Variants in PTH2R observed in about 807,000 individuals in gnomAD.
PTH2R encodes PTH2 receptor.
Under a neutral mutation model 60.3 loss-of-function variants are expected in PTH2R, and 59 were observed. The observed-to-expected ratio is 0.98, with a 90% CI of 0.79 to 1.22. PTH2R has a LOEUF of 1.22. Ranked by LOEUF, PTH2R falls within the 50% of genes most tolerant of loss-of-function variation. The pLI is 0.00. For synonymous variants in PTH2R, 256 were observed against 243.8 expected (o/e 1.05, Z -0.47); for missense variants, 749 against 682.6 (o/e 1.10, Z -1.08).
chr2:208,443,740 T>C (rs1002796379), intron 6 of PTH2R, among the ~76,000 whole-genome samples: 1 of 152,166 alleles, frequency 6.6e-6, no homozygotes, highest in African/African-American at 2.4e-5. Context: ...AGTTCTTGGG[T>C]TTTTTCCTCA....
Position 208,400,082 on chromosome 2 carries a change from CT to C in PTH2R, c.-258-28117del, listed in dbSNP as rs532144203. ...GTTATAGCACCTGGAAAATTAAACT[CT>C]TCTTAAAACCCAAGTTAGTTCTTTC... On this transcript the variant is annotated intron_variant, in intron 1 of 12. Transcript: ENST00000617735. 6.9e-4 allele frequency among the ~76,000 whole-genome samples: 105 copies of C among 152,254 alleles called. 1 individual carries two copies. The highest frequency in any genetic ancestry group is 3.4e-3 in the Middle Eastern group (1 of 294).
chr2:208,481,093 T>A lies in PTH2R; in HGVS notation c.1005T>A (p.Asn335Lys), dbSNP rs567193267. 48 of 1,608,978 alleles carry A rather than the reference T, an allele frequency of 3.0e-5. No homozygotes were observed. In the Admixed American group the frequency reaches 3.7e-4, roughly 12 times the overall value. ...AGCTGAATTTTATTCTGTTTCTGAA[T>A]ACGGTTAGAGTTCTAGCTACCAAAA... The part of the protein sequence containing the change: ...AIGLNFILFL[N>K]TVRVLATKIW... Residue 335 changes from asparagine (N) to lysine (K), a missense_variant, in exon 10 of 13, where the codon AAT becomes AAA. Asn to Lys is a moderately conservative substitution (Grantham distance 94). Transcript: ENST00000272847.
intron 10 of PTH2R, among the ~76,000 whole-genome samples, chr2:208,485,793 T>A (rs972234281): frequency 6.6e-6 from 1 of 152,184 alleles, no homozygotes; most frequent in African/African-American, 2.4e-5. Context: ...AGACCTATGA[T>A]GGGGTAGCCT....
In PTH2R at chr2:208,489,062, A is replaced by G; in HGVS notation, c.1127A>G (p.Tyr376Cys). Residue 376 changes from tyrosine to cysteine, a missense_variant, in exon 11 of 13, where the codon TAC (tyrosine) becomes TGC (cysteine). Coordinates refer to ENST00000272847, the MANE Select transcript of PTH2R (RefSeq NM_005048.4). Reference protein sequence around the residue: ...LVLVLVFGVHYIVFVCLPHSF... With the variant: ...LVLVLVFGVHCIVFVCLPHSF... ...CTGGTCCTAGTCTTTGGAGTGCATT[A>G]CATCGTGTTCGTATGCCTGCCTCAC... 1.2e-6 allele frequency: 2 copies of G among 1,614,152 alleles called. No homozygotes were observed. Among genetic ancestry groups the G allele is most frequent in the East Asian group, 4.5e-5 (2 of 44,880 alleles).
chr2:208,442,428 T>C lies in PTH2R; in HGVS notation c.476T>C (p.Leu159Ser). 5 of 1,612,872 alleles carry C rather than the reference T, an allele frequency of 3.1e-6. No homozygotes were observed. The highest frequency in any genetic ancestry group is 4.2e-6 in the Non-Finnish European group (5 of 1,178,858). ...TVGYSISFGS[L>S]AVAILIIGYF... The stretch of plus-strand genomic sequence containing the variant: ...GGCTACTCCATCTCTTTTGGTTCCT[T>C]GGCTGTGGCTATTCTCATCATTGGT... Residue 159 changes from leucine to serine, a missense_variant, in exon 5 of 13, where the codon TTG (leucine) becomes TCG (serine). By Grantham distance (145) the Leu-to-Ser change is moderately radical (BLOSUM62 -2). Coordinates refer to ENST00000272847, the MANE Select transcript of PTH2R (RefSeq NM_005048.4).
chr2:208,466,943 C>T (rs148884625), intron 9 of PTH2R, among the ~76,000 whole-genome samples: 1 of 152,092 alleles, frequency 6.6e-6, no homozygotes, highest in Admixed American at 6.6e-5. Context: ...GCTTTTGGTA[C>T]CTATTTCTAA....
rs375999596 is a variant in PTH2R at position 208,490,746 on chromosome 2, G to A, written c.1257+66G>A. ...GTAAATGGCCATCACAATGTATCCT[G>A]AATCTCTTTAGAATTTCCAGGATTT... On this transcript the variant is annotated intron_variant, in intron 12 of 12. Coordinates refer to ENST00000272847, the MANE Select transcript of PTH2R (RefSeq NM_005048.4). 7.0e-4 allele frequency: 996 copies of A among 1,421,084 alleles called. 2 individuals are homozygous for A. The highest frequency in any genetic ancestry group is 7.1e-4 in the Non-Finnish European group (746 of 1,049,868). 88.0% of individuals were successfully genotyped at this position (1,421,084 alleles called of 1,614,324 possible).
At chr2:208,469,521 C>T (rs1018818004) in intron 9 of PTH2R, among the ~76,000 whole-genome samples, 1 of 152,082 alleles carries the variant, frequency 6.6e-6, no homozygotes, top group Non-Finnish European at 1.5e-5. Context: ...CAGGAGAAGT[C>T]ATGTCAAGAT....
chr2:208,370,526 A>G (rs1302528588), intron 1 of PTH2R, among the ~76,000 whole-genome samples: 1 of 151,296 alleles, frequency 6.6e-6, no homozygotes, highest in Non-Finnish European at 1.5e-5. Context: ...CAATTAACTG[A>G]ACTGAACTGA....
intron 1 of PTH2R, among the ~76,000 whole-genome samples, chr2:208,401,178 G>T (rs745591672): frequency 6.6e-6 from 1 of 152,098 alleles, no homozygotes; most frequent in Non-Finnish European, 1.5e-5. Flanking sequence ...GAGTTTCTTC[G>T]CAGTCTCTTC....
chr2:208,365,649 G>A (rs928496927), intron 1 of PTH2R, among the ~76,000 whole-genome samples: 2 of 150,784 alleles, frequency 1.3e-5, no homozygotes, highest in Admixed American at 6.6e-5. Flanking sequence ...TAGTATTTTT[G>A]CCTAGCTTTG....
At chr2:208,410,887 G>A (rs1000114987) in intron 1 of PTH2R, among the ~76,000 whole-genome samples, 35 of 152,084 alleles carry the variant, frequency 2.3e-4, no homozygotes, top group African/African-American at 7.7e-4. Flanking sequence ...GCATCTCAAC[G>A]CATGTGTTAA....
At chr2:208,444,656 G>A in intron 6 of PTH2R, 78 bp from the exon 7 acceptor site, 2 of 1,398,716 alleles carry the variant, frequency 1.4e-6, no homozygotes, top group South Asian at 1.4e-5. Context: ...CTGAAGACTT[G>A]TTTTTTAGTG....
intron 10 of PTH2R, among the ~76,000 whole-genome samples, chr2:208,481,507 G>A (rs1184847571): frequency 1.3e-5 from 2 of 151,934 alleles, no homozygotes; most frequent in Non-Finnish European, 2.9e-5. Context: ...CACCATACCC[G>A]GCCTTTGGTT....
chr2:208,471,662 G>A (rs1466797821), intron 9 of PTH2R, among the ~76,000 whole-genome samples: 3 of 152,262 alleles, frequency 2.0e-5, no homozygotes, highest in South Asian at 2.1e-4. Context: ...CTCTGCCAGG[G>A]CAGTGCAGAA....
At chr2:208,394,444 C>A (rs1230803974) in intron 1 of PTH2R, among the ~76,000 whole-genome samples, 1 of 152,228 alleles carries the variant, frequency 6.6e-6, no homozygotes, top group Non-Finnish European at 1.5e-5. Flanking sequence ...GTGTCCCCCC[C>A]ACCAATTATT....
Position 208,425,785 on chromosome 2 carries a change from T to G in PTH2R, c.76-2416T>G, listed in dbSNP as rs576951756. ...CAGGCTTCTCTTGAGACTTTTAAAT[T>G]TTTCTGCCTGTGCCTATTGATATTC... On this transcript the variant is annotated intron_variant, in intron 1 of 12. Coordinates refer to ENST00000272847, the MANE Select transcript of PTH2R (RefSeq NM_005048.4). Among the ~76,000 whole-genome samples the G allele has an allele frequency of 2.0e-5, 3 of 152,274 alleles. No individual in the cohort carries two copies. The East Asian group carries it at 5.8e-4, about 29-fold the overall frequency.
chr2:208,452,120 T>C (rs1702418230), intron 8 of PTH2R, among the ~76,000 whole-genome samples: 1 of 152,120 alleles, frequency 6.6e-6, no homozygotes, highest in African/African-American at 2.4e-5. Context: ...TAAATGGGAG[T>C]GTGCTGAGAA....
In PTH2R at chr2:208,474,950, G is replaced by A. The variant is rs546328910; in HGVS notation, c.982-6120G>A. ...AGGAATTAAAGAGTTTTATTAAAAT[G>A]GTAACAACTGTAAATAACTGTCAGC... On this transcript the variant is annotated intron_variant, in intron 9 of 12. Coordinates refer to ENST00000272847, the MANE Select transcript of PTH2R (RefSeq NM_005048.4). Among the ~76,000 whole-genome samples the A allele has an allele frequency of 2.6e-5, 4 of 152,288 alleles. No individual in the cohort carries two copies. In the South Asian group the frequency reaches 6.2e-4, roughly 24 times the overall value.
Sources: allele counts gnomAD v4.1 joint callset (sites outside exome capture counted in the v4.1 genomes callset), GRCh38; gene constraint gnomAD v4.1.1; transcripts MANE v1.5; gene names NCBI Gene and HGNC (gene_info 2026-07-23, HGNC 2026-07-21).